The following AHNAK variants were observed in gnomAD, a reference collection of about 807,000 sequenced individuals.
AHNAK encodes the protein AHNAK nucleoprotein, also known as neuroblast differentiation-associated protein AHNAK.
In AHNAK, 23 loss-of-function variants were observed where a neutral mutation model predicts 37.8. The ratio of observed to expected loss-of-function variants is 0.61; its 90% CI spans 0.44 to 0.86. The LOEUF is 0.86. Ranked by LOEUF, AHNAK falls within the 40% of genes least tolerant of loss-of-function variation. AHNAK has a pLI of 0.00. For synonymous variants in AHNAK, 2,481 were observed against 2,636.3 expected, an observed-to-expected ratio of 0.94 and a Z score of 1.80; for missense variants, 7,411 against 7,319.4, an observed-to-expected ratio of 1.01 and a Z score of -0.46.
Position 62,518,243 on chromosome 11 carries a change from G to C in AHNAK, c.16174C>G (p.Leu5392Val). 1 of 1,614,202 alleles carries C rather than the reference G, an allele frequency of 6.2e-7. No individual in the cohort carries two copies. Among genetic ancestry groups the C allele is most frequent in the Non-Finnish European group, 8.5e-7 (1 of 1,180,036 alleles). Residue 5392 changes from leucine (L) to valine (V), a missense_variant, in exon 5 of 5, where the codon CTA (leucine) becomes GTA (valine). Transcript: ENST00000378024. ...CPKVSVGAPD[L>V]SLEASEGSIK... Reference sequence around the variant, plus strand: ...CTGCCTTCGGATGCCTCCAAGCTTAGATCAGGAGCTCCTACGGATACTTTA... The same window carrying C: ...CTGCCTTCGGATGCCTCCAAGCTTACATCAGGAGCTCCTACGGATACTTTA...
In AHNAK at chr11:62,520,839, C is replaced by G; in HGVS notation, c.13578G>C (p.Leu4526Phe). 1 of 1,614,084 alleles carries G rather than the reference C, an allele frequency of 6.2e-7. No homozygotes were observed. The highest frequency in any genetic ancestry group is 8.5e-7 in the Non-Finnish European group (1 of 1,180,026). ...SPQISMSDIDLNLKGPKIKGD... is the reference protein window; with the variant it reads ...SPQISMSDIDFNLKGPKIKGD... Reference sequence around the variant, plus strand: ...CTTTTATCTTAGGTCCTTTCAAATTCAAATCAATGTCACTCATGGAGATTT... The same window carrying G: ...CTTTTATCTTAGGTCCTTTCAAATTGAAATCAATGTCACTCATGGAGATTT... Residue 4526 changes from leucine to phenylalanine, a missense_variant, in exon 5 of 5, where the codon TTG becomes TTC. By Grantham distance (22) the Leu-to-Phe change is conservative. Coordinates refer to ENST00000378024, the MANE Select transcript of AHNAK (RefSeq NM_001620.3).
chr11:62,531,460 T>A lies in AHNAK; in HGVS notation c.2957A>T (p.Asp986Val). The change falls in exon 5 of 5, where the codon GAT becomes GTT. Residue 986 changes from aspartate to valine, a missense_variant. By Grantham distance (152) the Asp-to-Val change is radical (BLOSUM62 -3). Transcript: ENST00000378024. ...KGPKVDVSAP[D>V]VEMQGPDWNL... ...CCAGTCAGGACCCTGCATTTCAACA[T>A]CTGGGGCACTGACATCTACTTTTGG... 6.2e-7 allele frequency: 1 copy of A among 1,614,256 alleles called. No homozygotes were observed. Among genetic ancestry groups the A allele is most frequent in the Non-Finnish European group, 8.5e-7 (1 of 1,180,042 alleles).
At chr11:62,539,320 C>A (rs1941050974) in intron 1 of AHNAK, among the ~76,000 whole-genome samples, 2 of 152,210 alleles carry the variant, frequency 1.3e-5, no homozygotes, top group African/African-American at 4.8e-5. Context: ...CGCCCAGACA[C>A]CCCTGTCCTC....
At chr11:62,505,900 G>T (rs1037559639) in intron 4 of AHNAK, among the ~76,000 whole-genome samples, 1 of 151,716 alleles carries the variant, frequency 6.6e-6, no homozygotes, top group East Asian at 2.0e-4. Flanking sequence ...AAGAGCAAGC[G>T]GTCCGGGCCG....
At chr11:62,459,762 A>G (rs781521611) in intron 5 of AHNAK, among the ~76,000 whole-genome samples, 2 of 152,130 alleles carry the variant, frequency 1.3e-5, no homozygotes, top group Non-Finnish European at 1.5e-5. Context: ...CAGAGGTCAA[A>G]TATCTTTCCC....
At chr11:62,450,438 C>A (rs574113034) in intron 5 of AHNAK, among the ~76,000 whole-genome samples, 11 of 152,274 alleles carry the variant, frequency 7.2e-5, no homozygotes, top group African/African-American at 2.6e-4. Context: ...GATGATCCAA[C>A]TGCCTTGGCC....
chr11:62,525,239 T>G lies in AHNAK; in HGVS notation c.9178A>C (p.Ile3060Leu). The change falls in exon 5 of 5, where the codon ATT becomes CTT. Residue 3060 changes from isoleucine to leucine, a missense_variant. Coordinates refer to ENST00000378024, the MANE Select transcript of AHNAK (RefSeq NM_001620.3). ...TCGATATTCACATCTGGAACATCAA[T>G]GTCCACCTTGGGTCCTGAGACATCA... ...DLDVSGPKVD[I>L]DVPDVNIEGP... 6.3e-7 allele frequency: 1 copy of G among 1,596,088 alleles called. No individual in the cohort carries two copies. Among genetic ancestry groups the G allele is most frequent in the Non-Finnish European group, 8.5e-7 (1 of 1,172,946 alleles).
At chr11:62,534,228 G>C (rs528776073) in intron 4 of AHNAK, among the ~76,000 whole-genome samples, 154 bp from the exon 5 acceptor site, 1 of 152,336 alleles carries the variant, frequency 6.6e-6, no homozygotes, top group Admixed American at 6.5e-5. Flanking sequence ...CAGCACAGGG[G>C]AGTGAAGAAA....
Position 62,532,739 on chromosome 11 carries a change from G to A in AHNAK, c.1678C>T (p.Pro560Ser). The change falls in exon 5 of 5, where the codon CCT (proline) becomes TCT (serine). Residue 560 changes from proline to serine, a missense_variant. Transcript: ENST00000378024. The part of the protein sequence containing the change: ...GTLTGPRLGS[P>S]SGKTGTCRIS... ...CTACAGGTTCCGGTTTTCCCGGAAG[G>A]ACTGCCAAGCCTAGGGCCTGTCAAG... is the stretch of plus-strand genomic sequence containing the variant. 1.2e-6 allele frequency: 2 copies of A among 1,614,028 alleles called. No individual in the cohort carries two copies. Among genetic ancestry groups the A allele is most frequent in the South Asian group, 1.1e-5 (1 of 91,064 alleles).
Position 62,526,622 on chromosome 11 carries a change from C to T in AHNAK, c.7795G>A (p.Val2599Ile). 1 of 1,613,718 alleles carries T rather than the reference C, an allele frequency of 6.2e-7. No individual in the cohort carries two copies. The highest frequency in any genetic ancestry group is 8.5e-7 in the Non-Finnish European group (1 of 1,179,932). ...TCACCTTCCACTTTGGGCAGAGAAA[C>T]ATCCACATCGCCCTTCACCTTGGGA... ...KGPKVKGDVD[V>I]SLPKVEGDLK... is the part of the protein sequence containing the mutation. The change falls in exon 5 of 5, where the codon GTT becomes ATT. Residue 2599 changes from valine (V) to isoleucine (I), a missense_variant. Physicochemically the swap from Val to Ile is conservative, Grantham distance 29. Transcript: ENST00000378024.
At position 62,528,296 on chromosome 11, in the gene AHNAK, C is replaced by G; in HGVS notation, c.6121G>C (p.Gly2041Arg). ...GGCATCTTCAGGTGCCAGTCTGGGCCATGAACATCCACATCTGGGGCATCA... is the reference window on the plus strand; with the variant it reads ...GGCATCTTCAGGTGCCAGTCTGGGCGATGAACATCCACATCTGGGGCATCA... ...DIDAPDVDVH[G>R]PDWHLKMPKM... Residue 2041 changes from glycine to arginine, a missense_variant, in exon 5 of 5, where the codon GGC becomes CGC. By Grantham distance (125) the Gly-to-Arg change is moderately radical. Transcript: ENST00000378024. 1 of 1,614,194 alleles carries G rather than the reference C, an allele frequency of 6.2e-7. No individual in the cohort carries two copies. The highest frequency in any genetic ancestry group is 8.5e-7 in the Non-Finnish European group (1 of 1,180,040).
chr11:62,511,753 G>A (rs180884224), downstream of AHNAK, among the ~76,000 whole-genome samples: 1 of 152,242 alleles, frequency 6.6e-6, no homozygotes, highest in Non-Finnish European at 1.5e-5. Context: ...GAGAGACAGA[G>A]TCTTGCTTTG....
At chr11:62,453,360 C>T (rs1477463948) in intron 5 of AHNAK, among the ~76,000 whole-genome samples, 2 of 152,144 alleles carry the variant, frequency 1.3e-5, no homozygotes, top group African/African-American at 4.8e-5. Flanking sequence ...GAAACCATGA[C>T]ATTCAGCCCC....
rs182656913 is a variant in AHNAK, at chr11:62,503,069, C to A, written c.343-11238G>T. On this transcript the variant is annotated intron_variant, in intron 4 of 5. Transcript: ENST00000257247. Reference sequence around the variant, plus strand: ...GTCCAACTTTTAATTCTCCATATTCCGTGAGAGTTCAGCAAATGCTCATAA... The same window carrying A: ...GTCCAACTTTTAATTCTCCATATTCAGTGAGAGTTCAGCAAATGCTCATAA... Among the ~76,000 whole-genome samples the A allele has an allele frequency of 1.8e-3, 272 of 152,308 alleles. 1 individual carries two copies. Among genetic ancestry groups the A allele is most frequent in the Non-Finnish European group, 3.0e-3 (203 of 68,032 alleles).
chr11:62,527,705 C>G lies in AHNAK; in HGVS notation c.6712G>C (p.Asp2238His), dbSNP rs1940550619. ...ATCTTAGGCATCTTCAGGTGCCAGT[C>G]TGGGCCATGAACATCCACATCTGGG... ...DAPDVDVHGP[D>H]WHLKMPKMKM... is the part of the protein sequence containing the mutation. The change falls in exon 5 of 5, where the codon GAC (aspartate) becomes CAC (histidine). Residue 2238 changes from aspartate to histidine, a missense_variant. Coordinates refer to ENST00000378024, the MANE Select transcript of AHNAK (RefSeq NM_001620.3). 6.2e-7 allele frequency: 1 copy of G among 1,613,968 alleles called. No homozygotes were observed. The highest frequency in any genetic ancestry group is 1.3e-5 in the African/African-American group (1 of 74,870).
At chr11:62,465,472 G>T (rs77971792) in intron 5 of AHNAK, among the ~76,000 whole-genome samples, 1 of 152,024 alleles carries the variant, frequency 6.6e-6, no homozygotes, top group Non-Finnish European at 1.5e-5. Context: ...AATTAGCTGG[G>T]CGTTGTGGCA....
chr11:62,454,933 T>TTA (rs1938624919), intron 5 of AHNAK, among the ~76,000 whole-genome samples: 1 of 112,338 alleles, frequency 8.9e-6, no homozygotes, highest in Admixed American at 8.1e-5. Flanking sequence ...TTTATTTATT[T>TTA]TTTTTTTTTT....
At position 62,521,653 on chromosome 11, in the gene AHNAK, G is replaced by A; in HGVS notation, c.12764C>T (p.Pro4255Leu). ...FKMPEMNIKA[P>L]KISMPDFDLH... The stretch of plus-strand genomic sequence containing the variant: ...ATCAAAGTCAGGCATGGAGATCTTG[G>A]GGGCTTTGATGTTCATCTCAGGCAT... The change falls in exon 5 of 5, where the codon CCC becomes CTC. Residue 4255 changes from proline (P) to leucine (L), a missense_variant. By Grantham distance (98) the Pro-to-Leu change is moderately conservative (BLOSUM62 -3). Transcript: ENST00000378024. The A allele has an allele frequency of 1.2e-6, 2 of 1,613,804 alleles. No homozygotes were observed. Among genetic ancestry groups the A allele is most frequent in the Non-Finnish European group, 1.7e-6 (2 of 1,179,962 alleles).
In AHNAK at chr11:62,518,386, C is replaced by T; in HGVS notation, c.16031G>A (p.Gly5344Asp). 1 of 1,614,140 alleles carries T rather than the reference C, an allele frequency of 6.2e-7. No homozygotes were observed. The highest frequency in any genetic ancestry group is 8.5e-7 in the Non-Finnish European group (1 of 1,180,020). ...VGGKMQVGGD[G>D]VKVPGIDATT... Reference sequence around the variant, plus strand: ...GGCATCGATCCCTGGCACTTTCACACCGTCTCCTCCCACCTGCATTTTGCC... The same window carrying T: ...GGCATCGATCCCTGGCACTTTCACATCGTCTCCTCCCACCTGCATTTTGCC... Residue 5344 changes from glycine (G) to aspartate (D), a missense_variant, in exon 5 of 5, where the codon GGT (glycine) becomes GAT (aspartate). Physicochemically the swap from Gly to Asp is moderately conservative, Grantham distance 94 (BLOSUM62 -1). Transcript: ENST00000378024.
Sources: gnomAD v4.1 joint callset for allele counts (sites outside exome capture counted in the v4.1 genomes callset) on GRCh38, gnomAD v4.1.1 for gene constraint, MANE v1.5 for transcripts, NCBI Gene and HGNC (gene_info 2026-07-23, HGNC 2026-07-21) for gene names.